RYK: variants seen among roughly 807,000 people sequenced by gnomAD.
RYK encodes inactive tyrosine-protein kinase RYK.
A neutral mutation model predicts 70.2 loss-of-function variants in RYK; 21 were observed. The ratio of observed to expected loss-of-function variants is 0.30; its 90% CI spans 0.21 to 0.43. The LOEUF is 0.43. Ranked by LOEUF, RYK falls within the 20% of genes least tolerant of loss-of-function variation. The pLI, the probability that RYK is intolerant of heterozygous loss-of-function variation, is 1.00. For missense variants in RYK, 604 were observed against 753.3 expected (o/e 0.80, Z 2.32); for synonymous variants, 267 against 278.0 (o/e 0.96, Z 0.39).
At chr3:134,205,532 A>G (rs1237600911) in intron 5 of RYK, among the ~76,000 whole-genome samples, 1 of 152,180 alleles carries the variant, frequency 6.6e-6, no homozygotes, top group Non-Finnish European at 1.5e-5. Flanking sequence ...ATATGTTAGC[A>G]GTACTGTCCA....
At chr3:134,245,809 G>A (rs913147525) in intron 1 of RYK, among the ~76,000 whole-genome samples, 7 of 152,052 alleles carry the variant, frequency 4.6e-5, no homozygotes, top group Non-Finnish European at 1.0e-4. Context: ...GGCCCCAAAC[G>A]AGATGTAAAG....
intron 13 of RYK, 43 bp from the exon 14 acceptor site, chr3:134,159,416 A>G (rs1289548920): frequency 6.5e-7 from 1 of 1,540,116 alleles, no homozygotes; most frequent in Admixed American, 2.0e-5. Flanking sequence ...ATTTAAAACA[A>G]CAGTCAGGGG....
chr3:134,229,585 T>C (rs2015003988), intron 1 of RYK, among the ~76,000 whole-genome samples: 1 of 151,538 alleles, frequency 6.6e-6, no homozygotes, highest in African/African-American at 2.4e-5. Flanking sequence ...CAAAAAACAT[T>C]AAGAAAATGA....
chr3:134,200,337 G>A (rs1411118228), intron 6 of RYK, among the ~76,000 whole-genome samples: 1 of 151,998 alleles, frequency 6.6e-6, no homozygotes. Flanking sequence ...CCACCTTTAA[G>A]AGCTATAACA....
chr3:134,180,819 A>C (rs949807236), intron 10 of RYK: 1 of 152,242 alleles, frequency 6.6e-6, no homozygotes, highest in African/African-American at 2.4e-5. Context: ...AAGGAAGAAC[A>C]ATTAAGCATA....
At position 134,176,845 on chromosome 3, in the gene RYK, T is replaced by C. The variant is rs188161402; in HGVS notation, c.1306-806A>G. On this transcript the variant is annotated intron_variant, in intron 11 of 14. Transcript: ENST00000623711. ...GCAGGCAGATCACGAGGTCAGGAGA[T>C]TGAGACCATCCTGGCTACCACGGTG... is the stretch of plus-strand genomic sequence containing the variant. 2.9e-3 allele frequency among the ~76,000 whole-genome samples: 446 copies of C among 151,698 alleles called. 1 individual carries two copies. Among genetic ancestry groups the C allele is most frequent in the African/African-American group, 0.01 (417 of 41,308 alleles).
At chr3:134,238,820 A>G (rs2015250747) in intron 1 of RYK, among the ~76,000 whole-genome samples, 1 of 152,238 alleles carries the variant, frequency 6.6e-6, no homozygotes. Context: ...TATACTGTAT[A>G]TAAGATGGAA....
At chr3:134,206,295 C>G (rs2014210597) in intron 5 of RYK, among the ~76,000 whole-genome samples, 1 of 152,116 alleles carries the variant, frequency 6.6e-6, no homozygotes, top group Non-Finnish European at 1.5e-5. Flanking sequence ...TAAATCTAAT[C>G]AAGTGCAAAA....
chr3:134,199,174 C>T (rs763098257), intron 6 of RYK, among the ~76,000 whole-genome samples: 2 of 152,242 alleles, frequency 1.3e-5, no homozygotes, highest in Non-Finnish European at 2.9e-5. Flanking sequence ...CACATGAGCT[C>T]CAACTGCCCT....
At chr3:134,200,840 T>C (rs894033657) in intron 6 of RYK, among the ~76,000 whole-genome samples, 1 of 152,206 alleles carries the variant, frequency 6.6e-6, no homozygotes, top group Admixed American at 6.5e-5. Flanking sequence ...AACGTGATAA[T>C]ATAAGCTGGT....
At chr3:134,211,466 T>G in intron 3 of RYK, 42 bp downstream of exon 3, 1 of 1,438,880 alleles carries the variant, frequency 6.9e-7, no homozygotes, top group Non-Finnish European at 9.7e-7. Context: ...GGGATGCAGT[T>G]GAAAAAGTAT....
rs1414046503 is a variant in RYK, at chr3:134,188,171, T to A, written c.1102+666A>T. On this transcript the variant is annotated intron_variant, in intron 9 of 14. Transcript: ENST00000623711. ...TAACAATATATATATATATATATTTTTTTTTTTTTTTGAGACAGAGTCTCT... is the reference window on the plus strand; with the variant it reads ...TAACAATATATATATATATATATTTATTTTTTTTTTTGAGACAGAGTCTCT... 6.8e-3 allele frequency among the ~76,000 whole-genome samples: 960 copies of A among 141,172 alleles called. 11 individuals carry two copies. The highest frequency in any genetic ancestry group is 0.022 in the African/African-American group (835 of 38,800). 92.6% of individuals were successfully genotyped at this position (141,172 alleles called of 152,430 possible).
intron 1 of RYK, among the ~76,000 whole-genome samples, chr3:134,239,455 C>T (rs115887122): frequency 0.021 from 3,171 of 151,936 alleles, 104 homozygotes; most frequent in African/African-American, 0.072. Context: ...AAGAGAGACC[C>T]TGTCTCAAAA....
chr3:134,183,928 T>C (rs2013381585), intron 9 of RYK, among the ~76,000 whole-genome samples: 1 of 152,222 alleles, frequency 6.6e-6, no homozygotes, highest in African/African-American at 2.4e-5. Context: ...TGTTTACATA[T>C]CCTAATATTT....
chr3:134,235,773 A>C (rs1003916174), intron 1 of RYK, among the ~76,000 whole-genome samples: 1 of 152,138 alleles, frequency 6.6e-6, no homozygotes, highest in East Asian at 1.9e-4. Context: ...AGGTTAAGTG[A>C]GTAGTGAGAA....
chr3:134,200,535 A>G (rs1038193283), intron 6 of RYK, among the ~76,000 whole-genome samples: 1 of 152,322 alleles, frequency 6.6e-6, no homozygotes, highest in South Asian at 2.1e-4. Context: ...CCAAGAACCC[A>G]CCAGAAGGAA....
intron 6 of RYK, among the ~76,000 whole-genome samples, chr3:134,200,054 G>A (rs560511866): frequency 1.3e-5 from 2 of 151,986 alleles, no homozygotes; most frequent in East Asian, 1.9e-4. Flanking sequence ...GGGCCAATCA[G>A]CTCTCTGTAA....
chr3:134,180,821 T>C (rs1330337744), intron 10 of RYK: 1 of 152,204 alleles, frequency 6.6e-6, no homozygotes, highest in Non-Finnish European at 1.5e-5. Context: ...GGAAGAACAA[T>C]TAAGCATAAT....
rs945291216 is a variant in RYK, at chr3:134,203,011, G to C, written c.644-137C>G. 5.8e-6 allele frequency: 4 copies of C among 690,390 alleles called. No individual in the cohort carries two copies. In the African/African-American group the frequency reaches 7.4e-5, roughly 13 times the overall value. 42.8% of individuals were successfully genotyped at this position (690,390 alleles called of 1,614,324 possible). A position where few individuals can be genotyped will look rare whatever the true frequency, so the allele number is the denominator to read the frequency against. On this transcript the variant is annotated intron_variant, in intron 5 of 14. Transcript: ENST00000623711. ...ATCAGTTACCAGTAGCATATTGGTG[G>C]AAGTTCACATAATTTTTTTGATGTT...
Sources: allele counts gnomAD v4.1 joint callset (sites outside exome capture counted in the v4.1 genomes callset), GRCh38; gene constraint gnomAD v4.1.1; transcripts MANE v1.5; gene names NCBI Gene and HGNC (gene_info 2026-07-23, HGNC 2026-07-21).